CCDC148: variants seen among roughly 807,000 people sequenced by gnomAD.
CCDC148 encodes coiled-coil domain-containing protein 148.
Under a neutral mutation model 85.7 loss-of-function variants are expected in CCDC148, and 89 were observed. The ratio of observed to expected loss-of-function variants is 1.04; its 90% CI spans 0.87 to 1.24. CCDC148 has a LOEUF of 1.24. CCDC148 is among the 50% of genes most tolerant of loss of function. CCDC148 has a pLI of 0.00. For synonymous variants in CCDC148, 230 were observed against 213.9 expected, an observed-to-expected ratio of 1.08 and a Z score of -0.66; for missense variants, 692 against 671.7, an observed-to-expected ratio of 1.03 and a Z score of -0.33.
At position 158,305,152 on chromosome 2, in the gene CCDC148, G is replaced by C. The variant is rs75779216; in HGVS notation, c.1110+4281C>G. Among the ~76,000 whole-genome samples, 219 of 152,260 alleles carry C rather than the reference G, an allele frequency of 1.4e-3. 4 individuals carry two copies. The East Asian group carries it at 0.038, about 26-fold the overall frequency. On this transcript the variant is annotated intron_variant, in intron 9 of 13. Transcript: ENST00000283233. The stretch of plus-strand genomic sequence containing the variant: ...AGAATGAACACCCATCACTGCTGAA[G>C]GAAAAGCCACAAACCCACTAGGGTA...
chr2:158,236,403 G>C (rs1688110091), intron 10 of CCDC148, among the ~76,000 whole-genome samples: 1 of 152,076 alleles, frequency 6.6e-6, no homozygotes, highest in African/African-American at 2.4e-5. Context: ...TTTCAGTATG[G>C]GCATTGAAAT....
chr2:158,337,483 G>T (rs887734115), intron 7 of CCDC148, among the ~76,000 whole-genome samples: 1 of 152,148 alleles, frequency 6.6e-6, no homozygotes, highest in African/African-American at 2.4e-5. Flanking sequence ...CTTAAGTGTA[G>T]TGCATGGTTG....
At chr2:158,226,151 C>T (rs904888385) in intron 10 of CCDC148, among the ~76,000 whole-genome samples, 8 of 152,124 alleles carry the variant, frequency 5.3e-5, no homozygotes, top group African/African-American at 1.9e-4. Context: ...GAAATACAAA[C>T]TACCATCAGA....
At chr2:158,287,640 C>T (rs938754487) in intron 9 of CCDC148, among the ~76,000 whole-genome samples, 4 of 152,330 alleles carry the variant, frequency 2.6e-5, no homozygotes, top group African/African-American at 9.6e-5. Flanking sequence ...GGTGGGTTTC[C>T]GTGATCTTGA....
chr2:158,207,829 T>A (rs895988813), intron 11 of CCDC148, among the ~76,000 whole-genome samples: 1 of 152,158 alleles, frequency 6.6e-6, no homozygotes, highest in East Asian at 1.9e-4. Flanking sequence ...TCAGTCAAGA[T>A]GCTGGCTGAA....
intron 1 of CCDC148, among the ~76,000 whole-genome samples, chr2:158,377,218 T>C (rs972243801): frequency 6.7e-6 from 1 of 150,278 alleles, no homozygotes; most frequent in Admixed American, 6.7e-5. Flanking sequence ...TGCTCTTCCT[T>C]AGAGAAAGAG....
chr2:158,215,894 C>CCA (rs1483096990), intron 11 of CCDC148, among the ~76,000 whole-genome samples: 1 of 152,204 alleles, frequency 6.6e-6, no homozygotes, highest in East Asian at 1.9e-4. Flanking sequence ...ACTCTCTTCA[C>CCA]CATGTGAAGT....
chr2:158,224,372 A>C (rs998071489), intron 10 of CCDC148, among the ~76,000 whole-genome samples: 8 of 152,234 alleles, frequency 5.3e-5, no homozygotes, highest in Non-Finnish European at 7.3e-5. Context: ...GAGAATGGAA[A>C]CAAGTTGGAA....
chr2:158,397,083 C>T (rs951987927), intron 1 of CCDC148, among the ~76,000 whole-genome samples: 7 of 151,958 alleles, frequency 4.6e-5, no homozygotes, highest in African/African-American at 1.7e-4. Flanking sequence ...CTCCAGGCAG[C>T]AAGACCACTA....
chr2:158,382,819 G>T lies in CCDC148; in HGVS notation c.26-24249C>A, dbSNP rs190279275. Among the ~76,000 whole-genome samples, 650 of 151,938 alleles carry T rather than the reference G, an allele frequency of 4.3e-3. 2 individuals are homozygous for T. Among genetic ancestry groups the T allele is most frequent in the Admixed American group, 9.6e-3 (147 of 15,256 alleles). ...GCCTGTAATCCCAGCTACTCGGGAG[G>T]CTGAGGCAGGAGAATGGCTTGAATC... On this transcript the variant is annotated intron_variant, in intron 1 of 13. Coordinates refer to ENST00000283233, the MANE Select transcript of CCDC148 (RefSeq NM_138803.4).
At chr2:158,408,574 A>G (rs1328641433) in intron 1 of CCDC148, among the ~76,000 whole-genome samples, 2 of 151,966 alleles carry the variant, frequency 1.3e-5, no homozygotes, top group African/African-American at 2.4e-5. Context: ...TTTCTTTTTT[A>G]AGGATAATAT....
intron 13 of CCDC148, 125 bp from the exon 14 acceptor site, chr2:158,172,384 G>C: frequency 5.9e-6 from 4 of 676,412 alleles, no homozygotes; most frequent in Non-Finnish European, 1.0e-5. Flanking sequence ...ACAGTAAACT[G>C]TGAATACAGT....
At chr2:158,423,504 G>C (rs1461272162) in intron 1 of CCDC148, among the ~76,000 whole-genome samples, 2 of 152,156 alleles carry the variant, frequency 1.3e-5, no homozygotes, top group African/African-American at 4.8e-5. Flanking sequence ...GGGAAAACTG[G>C]CTAGCCATAT....
chr2:158,332,890 A>AT (rs146498059), intron 7 of CCDC148, among the ~76,000 whole-genome samples: 125,403 of 150,810 alleles, frequency 0.83, 52,330 homozygotes, highest in East Asian at 0.97. Flanking sequence ...CCCCTATAAC[A>AT]TGTTTTTTTG....
At chr2:158,203,285 C>T (rs185114050) in intron 11 of CCDC148, among the ~76,000 whole-genome samples, 7 of 152,202 alleles carry the variant, frequency 4.6e-5, no homozygotes, top group Admixed American at 2.0e-4. Context: ...GATATGAATT[C>T]GTCTTATTTA....
intron 1 of CCDC148, among the ~76,000 whole-genome samples, chr2:158,448,538 T>C (rs1425067845): frequency 6.6e-6 from 1 of 151,836 alleles, no homozygotes; most frequent in Non-Finnish European, 1.5e-5. Context: ...GAGATAGGGT[T>C]TTGCCATGTT....
intron 9 of CCDC148, among the ~76,000 whole-genome samples, chr2:158,258,419 C>T (rs1317118680): frequency 1.3e-5 from 2 of 151,816 alleles, no homozygotes; most frequent in Non-Finnish European, 2.9e-5. Flanking sequence ...TGAGAAAACC[C>T]AGGTTTTGAA....
intron 1 of CCDC148, among the ~76,000 whole-genome samples, chr2:158,444,785 GAAAAAA>G (rs11433320): frequency 7.5e-5 from 5 of 66,676 alleles, no homozygotes; most frequent in South Asian, 1.7e-3. Context: ...ACCCTGTCTT[GAAAAAA>G]AAAAAAAAAA....
intron 1 of CCDC148, among the ~76,000 whole-genome samples, chr2:158,400,869 C>A (rs1339604852): frequency 6.0e-5 from 9 of 150,998 alleles, no homozygotes; most frequent in East Asian, 3.9e-4. Context: ...CAAGAAAAAA[C>A]CCCATCAAAA....
Sources: gnomAD v4.1 joint callset for allele counts (sites outside exome capture counted in the v4.1 genomes callset) on GRCh38, gnomAD v4.1.1 for gene constraint, MANE v1.5 for transcripts, NCBI Gene and HGNC (gene_info 2026-07-23, HGNC 2026-07-21) for gene names.